Variants in HDAC9 observed in about 807,000 individuals in gnomAD.
The protein encoded by HDAC9 is histone deacetylase 9, also known as MEF-2 interacting transcription repressor (MITR) protein.
Under a neutral mutation model 139.4 loss-of-function variants are expected in HDAC9, and 41 were observed. The observed-to-expected ratio is 0.29, with a 90% confidence interval of 0.23 to 0.38. The LOEUF is 0.38. Ranked by LOEUF, HDAC9 falls within the 10% of genes least tolerant of loss-of-function variation. The pLI is 1.00. For synonymous variants in HDAC9, 517 were observed against 476.2 expected (o/e 1.09, Z -1.12); for missense variants, 1,147 against 1,297.0 (o/e 0.88, Z 1.78).
At chr7:18,210,395 G>T (rs917403242) in intron 2 of HDAC9, among the ~76,000 whole-genome samples, 22 of 152,178 alleles carry the variant, frequency 1.4e-4, no homozygotes, top group Non-Finnish European at 2.6e-4. Flanking sequence ...AGTTAAGAGG[G>T]TTTCCTATTT....
At chr7:18,920,053 T>A (rs1399083729) in intron 22 of HDAC9, among the ~76,000 whole-genome samples, 1 of 152,188 alleles carries the variant, frequency 6.6e-6, no homozygotes, top group Non-Finnish European at 1.5e-5. Flanking sequence ...GGTAGCTTGA[T>A]GGGGATGGCA....
chr7:18,353,467 G>T lies in HDAC9; in HGVS notation c.-42+62952G>T, dbSNP rs573860840. ...GTTATACCACAAAGAATTAAAGAATGTTAAGTAAATGACTTTCTTCCCTCC... is the reference window on the plus strand; with the variant it reads ...GTTATACCACAAAGAATTAAAGAATTTTAAGTAAATGACTTTCTTCCCTCC... On this transcript the variant is annotated intron_variant, in intron 1 of 3. Coordinates refer to the HDAC9 transcript ENST00000413509. Among the ~76,000 whole-genome samples the T allele has an allele frequency of 2.6e-5, 4 of 152,270 alleles. No individual in the cohort carries two copies. The South Asian group carries it at 6.2e-4, about 24-fold the overall frequency.
Position 18,264,272 on chromosome 7 carries a change from A to G in HDAC9, c.25+101923A>G, listed in dbSNP as rs1013545830. On this transcript the variant is annotated intron_variant, in intron 2 of 12. Coordinates refer to the HDAC9 transcript ENST00000417496. ...CAGGCTAAGCCATATTTGCTAGGCC[A>G]TAAAATAAGTTTCAGGAAAATTTAA... Among the ~76,000 whole-genome samples the G allele has an allele frequency of 6.6e-5, 10 of 152,342 alleles. No homozygotes were observed. The East Asian group carries it at 1.9e-3, about 29-fold the overall frequency.
intron 1 of HDAC9, among the ~76,000 whole-genome samples, chr7:18,128,432 A>C (rs1361435572): frequency 6.6e-6 from 1 of 152,050 alleles, no homozygotes; most frequent in Non-Finnish European, 1.5e-5. Context: ...TGTAAAATCA[A>C]GCAGGGGTGG....
intron 2 of HDAC9, among the ~76,000 whole-genome samples, chr7:18,232,665 T>C (rs1462570497): frequency 6.6e-6 from 1 of 152,228 alleles, no homozygotes; most frequent in Non-Finnish European, 1.5e-5. Context: ...TCATAATTGG[T>C]ACTTACTCAA....
intron 1 of HDAC9, among the ~76,000 whole-genome samples, chr7:18,453,975 C>G (rs1793119124): frequency 6.6e-6 from 1 of 151,950 alleles, no homozygotes; most frequent in South Asian, 2.1e-4. Context: ...TAGCAAGTAC[C>G]AAGATATTCT....
At chr7:18,258,479 C>T (rs184520293) in intron 2 of HDAC9, among the ~76,000 whole-genome samples, 99 of 152,224 alleles carry the variant, frequency 6.5e-4, no homozygotes, top group African/African-American at 2.3e-3. Context: ...TGTCCCTTAC[C>T]CCAGTCCCAC....
chr7:18,412,364 T>C (rs1426892222), intron 1 of HDAC9, among the ~76,000 whole-genome samples: 1 of 152,048 alleles, frequency 6.6e-6, no homozygotes, highest in Non-Finnish European at 1.5e-5. Flanking sequence ...AAGTCAAAAC[T>C]ACGATGGAAT....
rs117015624 is a variant in HDAC9 at position 18,638,511 on chromosome 7, C to G, written c.912+3769C>G. Among the ~76,000 whole-genome samples, 686 of 152,158 alleles carry G rather than the reference C, an allele frequency of 4.5e-3. 6 individuals are homozygous for G. Among genetic ancestry groups the G allele is most frequent in the Non-Finnish European group, 4.5e-3 (307 of 67,980 alleles). Reference sequence around the variant, plus strand: ...AACCGGCTACCTTGTCATCATTGGTCAAGTTGTCAGACTTCCCCTGACCCC... The same window carrying G: ...AACCGGCTACCTTGTCATCATTGGTGAAGTTGTCAGACTTCCCCTGACCCC... On this transcript the variant is annotated intron_variant, in intron 8 of 25. Transcript: ENST00000686413.
chr7:18,282,675 A>G (rs1037265679), intron 2 of HDAC9, among the ~76,000 whole-genome samples: 7 of 152,162 alleles, frequency 4.6e-5, no homozygotes, highest in East Asian at 1.9e-4. Context: ...GGATGTTGCA[A>G]TTGAACTTCA....
At chr7:18,377,112 G>A (rs900444634) in intron 1 of HDAC9, among the ~76,000 whole-genome samples, 1 of 152,120 alleles carries the variant, frequency 6.6e-6, no homozygotes, top group Non-Finnish European at 1.5e-5. Context: ...ATGGAGGCTG[G>A]AAGTCCAAGA....
Position 18,669,753 on chromosome 7 carries a change from A to T in HDAC9, c.1731+3277A>T, listed in dbSNP as rs1358360213. On this transcript the variant is annotated intron_variant, in intron 12 of 25. Transcript: ENST00000686413. ...TGTTATATAGGGTGAGTTTTAAAACAAAGCATCAATCCAGCATTAGAAAAC... is the reference window on the plus strand; with the variant it reads ...TGTTATATAGGGTGAGTTTTAAAACTAAGCATCAATCCAGCATTAGAAAAC... 2.0e-5 allele frequency among the ~76,000 whole-genome samples: 3 copies of T among 151,894 alleles called. No individual in the cohort carries two copies. In the East Asian group the frequency reaches 5.8e-4, roughly 29 times the overall value.
intron 23 of HDAC9, among the ~76,000 whole-genome samples, chr7:18,939,000 A>G (rs1195577882): frequency 6.6e-6 from 1 of 152,228 alleles, no homozygotes; most frequent in Non-Finnish European, 1.5e-5. Context: ...TTAGATTGCT[A>G]AAATTTCCAG....
At chr7:18,112,546 T>A (rs1049861297) in intron 1 of HDAC9, among the ~76,000 whole-genome samples, 44 of 152,218 alleles carry the variant, frequency 2.9e-4, no homozygotes, top group African/African-American at 1.0e-3. Context: ...TACTTATTAA[T>A]GCAAAAGAAA....
At chr7:18,913,020 T>C (rs541602194) in intron 22 of HDAC9, among the ~76,000 whole-genome samples, 1 of 152,260 alleles carries the variant, frequency 6.6e-6, no homozygotes, top group Admixed American at 6.5e-5. Flanking sequence ...TGCTATTTAG[T>C]TGTAGCACAT....
intron 1 of HDAC9, among the ~76,000 whole-genome samples, chr7:18,352,563 G>C (rs571050689): frequency 1.3e-5 from 2 of 152,224 alleles, no homozygotes; most frequent in Admixed American, 6.5e-5. Flanking sequence ...AAATTTTCCA[G>C]AAGTTCATTT....
At chr7:18,148,559 C>T (rs117521152) in intron 1 of HDAC9, among the ~76,000 whole-genome samples, 6,601 of 152,262 alleles carry the variant, frequency 0.043, 190 homozygotes, top group Non-Finnish European at 0.06. Flanking sequence ...CGGGCTCATG[C>T]GATTCCCCCA....
intron 1 of HDAC9, among the ~76,000 whole-genome samples, chr7:18,348,597 C>T (rs1318678772): frequency 2.0e-5 from 3 of 152,134 alleles, no homozygotes; most frequent in Admixed American, 1.3e-4. Context: ...TATGCAATCA[C>T]ACATCTGTTG....
chr7:18,912,737 C>A lies in HDAC9; in HGVS notation c.2804-23072C>A, dbSNP rs572173480. 1.7e-3 allele frequency among the ~76,000 whole-genome samples: 264 copies of A among 152,106 alleles called. 1 individual carries two copies. The highest frequency in any genetic ancestry group is 6.0e-3 in the African/African-American group (251 of 41,522). Reference sequence around the variant, plus strand: ...TTGGTCAGATTTTAATTTTAAAAAACAAAAATGAGACAACTGTAAATTGCA... The same window carrying A: ...TTGGTCAGATTTTAATTTTAAAAAAAAAAAATGAGACAACTGTAAATTGCA... On this transcript the variant is annotated intron_variant, in intron 22 of 25. Transcript: ENST00000686413.
Sources: allele counts gnomAD v4.1 joint callset (sites outside exome capture counted in the v4.1 genomes callset), GRCh38; gene constraint gnomAD v4.1.1; transcripts MANE v1.5; gene names NCBI Gene and HGNC (gene_info 2026-07-23, HGNC 2026-07-21).